DTNA: variants seen among roughly 807,000 people sequenced by gnomAD.
DTNA encodes dystrophin-related protein 3.
A neutral mutation model predicts 100.7 loss-of-function variants in DTNA; 43 were observed. The ratio of observed to expected loss-of-function variants is 0.43; its 90% CI spans 0.33 to 0.55. The LOEUF is 0.55. Among genes scored for constraint, DTNA ranks in the 20% least tolerant of loss-of-function variants. DTNA has a pLI of 0.04. For missense variants in DTNA, 798 were observed against 953.9 expected (o/e 0.84, Z 2.15); for synonymous variants, 349 against 347.9 (o/e 1.00, Z -0.04).
rs763338630 is a variant in DTNA, at chr18:34,858,306, G to A, written c.1554G>A (p.Gln518=). The part of the protein sequence containing the change: ...NKNREILQEI[Q]RLRLEHEQAS... Reference sequence around the variant, plus strand: ...CAAGAGAAATCTTACAGGAGATCCAGAGACTTCGGCTAGAGCATGAACAAG... The same window carrying A: ...CAAGAGAAATCTTACAGGAGATCCAAAGACTTCGGCTAGAGCATGAACAAG... Residue 518 remains glutamine (Q), a synonymous_variant, in exon 16 of 23, where the codon CAG becomes CAA. Transcript: ENST00000444659. 2.5e-6 allele frequency: 4 copies of A among 1,614,018 alleles called. No individual in the cohort carries two copies. The African/African-American group carries it at 4.0e-5, about 16-fold the overall frequency.
At chr18:34,501,519 A>T (rs1318510647) in intron 1 of DTNA, among the ~76,000 whole-genome samples, 1 of 152,190 alleles carries the variant, frequency 6.6e-6, no homozygotes. Context: ...TCTGAAAGAG[A>T]TTACATAGGA....
chr18:34,792,196 T>C (rs1225975546), intron 3 of DTNA, among the ~76,000 whole-genome samples: 1 of 152,230 alleles, frequency 6.6e-6, no homozygotes, highest in Non-Finnish European at 1.5e-5. Flanking sequence ...GTTTTTGTTT[T>C]TCTTTATGCC....
chr18:34,888,541 AATAG>A lies in DTNA; in HGVS notation c.*811_*814del, dbSNP rs1227939286. Reference sequence around the variant, plus strand: ...TTTAGTGTAAATATTTTTTTTTCCAAATAGATATCATATTCAAAAAAGGCAGCAT... The same window carrying A: ...TTTAGTGTAAATATTTTTTTTTCCAAATATCATATTCAAAAAAGGCAGCAT... On this transcript the variant is annotated 3_prime_UTR_variant, in exon 23 of 23. Coordinates refer to ENST00000444659, the MANE Select transcript of DTNA (RefSeq NM_001386795.1). 3.0e-6 allele frequency: 3 copies of A among 985,552 alleles called. No individual in the cohort carries two copies. The highest frequency in any genetic ancestry group is 3.6e-6 in the Non-Finnish European group (3 of 829,704). The allele number at this position is 985,552 out of a possible 1,614,324, so 61.1% of individuals were successfully genotyped here. A position where few individuals can be genotyped will look rare whatever the true frequency, so the allele number is the denominator to read the frequency against.
chr18:34,665,282 A>C (rs930689019), intron 1 of DTNA, among the ~76,000 whole-genome samples: 7 of 152,142 alleles, frequency 4.6e-5, no homozygotes, highest in African/African-American at 1.7e-4. Flanking sequence ...CAACAACAAC[A>C]AAATATTAAG....
chr18:34,578,799 G>T (rs2048354728), intron 1 of DTNA, among the ~76,000 whole-genome samples: 1 of 151,986 alleles, frequency 6.6e-6, no homozygotes, highest in South Asian at 2.1e-4. Context: ...TTATTTCTGG[G>T]TTCTCTATTC....
intron 1 of DTNA, chr18:34,755,687 A>G (rs997527834): frequency 5.4e-6 from 2 of 372,040 alleles, no homozygotes; most frequent in African/African-American, 2.1e-5. Flanking sequence ...AACAGATGGT[A>G]GATTGTTGTA....
intron 4 of DTNA, among the ~76,000 whole-genome samples, chr18:34,794,748 C>T (rs979487574): frequency 2.0e-5 from 3 of 152,110 alleles, no homozygotes; most frequent in Admixed American, 6.5e-5. Flanking sequence ...TTAAGTGTTT[C>T]GATCATAAAA....
At chr18:34,728,947 G>A (rs1226830173) in intron 1 of DTNA, among the ~76,000 whole-genome samples, 1 of 152,162 alleles carries the variant, frequency 6.6e-6, no homozygotes, top group African/African-American at 2.4e-5. Context: ...CCATGGCCAA[G>A]TGGGTGGGGT....
chr18:34,686,775 C>G (rs190737762), intron 1 of DTNA, among the ~76,000 whole-genome samples: 31 of 150,126 alleles, frequency 2.1e-4, no homozygotes, highest in Admixed American at 1.4e-3. Flanking sequence ...TCCTGGGTTT[C>G]TGTTGGTGGT....
At chr18:34,703,339 G>A (rs542420614) in intron 1 of DTNA, among the ~76,000 whole-genome samples, 2 of 152,238 alleles carry the variant, frequency 1.3e-5, no homozygotes, top group South Asian at 4.2e-4. Flanking sequence ...TGCTGTATTA[G>A]GAGGTTCTTC....
At chr18:34,639,614 C>T (rs1040987731) in intron 1 of DTNA, among the ~76,000 whole-genome samples, 2 of 152,166 alleles carry the variant, frequency 1.3e-5, no homozygotes, top group African/African-American at 4.8e-5. Flanking sequence ...CATAGTACTG[C>T]AAAATCTCCT....
At chr18:34,532,066 C>A (rs1215477571) in intron 1 of DTNA, among the ~76,000 whole-genome samples, 2 of 151,962 alleles carry the variant, frequency 1.3e-5, no homozygotes, top group Non-Finnish European at 2.9e-5. Flanking sequence ...GAGGTGCTGC[C>A]CATTATTGTA....
intron 13 of DTNA, among the ~76,000 whole-genome samples, chr18:34,841,761 C>G (rs1394932102): frequency 1.3e-5 from 2 of 152,144 alleles, no homozygotes. Flanking sequence ...ATTTTCCACC[C>G]CATTCCTTGG....
At chr18:34,583,586 C>CTT (rs550351119) in intron 1 of DTNA, among the ~76,000 whole-genome samples, 4 of 142,192 alleles carry the variant, frequency 2.8e-5, no homozygotes, top group Admixed American at 1.4e-4. Flanking sequence ...GAGCTATTGA[C>CTT]TTTTTTTTTT....
In DTNA at chr18:34,815,896, T is replaced by G. The variant is rs761037945; in HGVS notation, c.604-13T>G. 3.5e-5 allele frequency: 57 copies of G among 1,607,886 alleles called. No homozygotes were observed. Among genetic ancestry groups the G allele is most frequent in the East Asian group, 8.9e-5 (4 of 44,812 alleles). ...TTCTCTGTCCTAAATTTATGGGGGGTTTTTTTATGCAGAAAAAAGTCACGT... is the reference window on the plus strand; with the variant it reads ...TTCTCTGTCCTAAATTTATGGGGGGGTTTTTTATGCAGAAAAAAGTCACGT... On this transcript the variant is annotated splice_polypyrimidine_tract_variant and intron_variant, in intron 6 of 22. Transcript: ENST00000444659.
intron 13 of DTNA, among the ~76,000 whole-genome samples, chr18:34,846,017 G>A (rs902433401): frequency 2.6e-5 from 4 of 151,930 alleles, no homozygotes; most frequent in East Asian, 1.9e-4. Context: ...CTTTTATATC[G>A]TTTATATTTA....
chr18:34,783,136 CTT>C (rs1336607816), intron 3 of DTNA, among the ~76,000 whole-genome samples: 2 of 152,318 alleles, frequency 1.3e-5, no homozygotes, highest in South Asian at 2.1e-4. Context: ...TTTACCTTCT[CTT>C]ATTATTTTTG....
chr18:34,732,621 T>C (rs757318366), intron 1 of DTNA, among the ~76,000 whole-genome samples: 2 of 152,184 alleles, frequency 1.3e-5, no homozygotes, highest in Non-Finnish European at 2.9e-5. Context: ...TAAAAATCCA[T>C]GGCAAAAATA....
rs145125035 is a variant in DTNA, at chr18:34,863,472, C to T, written c.1647-494C>T. Reference sequence around the variant, plus strand: ...TCTACGTGCTGTTAATATCTCACCTCTGAGAGACACCTCAATGGGTGCTGA... The same window carrying T: ...TCTACGTGCTGTTAATATCTCACCTTTGAGAGACACCTCAATGGGTGCTGA... On this transcript the variant is annotated intron_variant, in intron 16 of 22. Coordinates refer to ENST00000444659, the MANE Select transcript of DTNA (RefSeq NM_001386795.1). 1.1e-4 allele frequency among the ~76,000 whole-genome samples: 17 copies of T among 152,334 alleles called. No homozygotes were observed. The East Asian group carries it at 3.3e-3, about 29-fold the overall frequency.
Sources: allele counts gnomAD v4.1 joint callset (sites outside exome capture counted in the v4.1 genomes callset), GRCh38; gene constraint gnomAD v4.1.1; transcripts MANE v1.5; gene names NCBI Gene and HGNC (gene_info 2026-07-23, HGNC 2026-07-21).